Variants in PHF20L1 observed in about 807,000 individuals in gnomAD.
PHF20L1 encodes PHD finger protein 20 like 1.
In PHF20L1, 44 loss-of-function variants were observed where a neutral mutation model predicts 125.5. The ratio of observed to expected loss-of-function variants is 0.35; its 90% CI spans 0.28 to 0.45. The LOEUF is 0.45. Ranked by LOEUF, PHF20L1 falls within the 20% of genes least tolerant of loss-of-function variation. The probability of loss-of-function intolerance (pLI) is 1.00; values close to 1 mark genes in which losing one functional copy is unlikely to be tolerated. For missense variants in PHF20L1, 1,012 were observed against 1,217.2 expected, an observed-to-expected ratio of 0.83 and a Z score of 2.51; for synonymous variants, 380 against 403.1, an observed-to-expected ratio of 0.94 and a Z score of 0.69.
Position 132,846,014 on chromosome 8 carries a change from T to C in PHF20L1, c.*91T>C. ...ATGGCTAAGTGGATAATTTAAAAGC[T>C]TAGTAATGTCTGGTCATTCACTGAT... On this transcript the variant is annotated 3_prime_UTR_variant, in exon 21 of 21. Transcript: ENST00000395386. 1 of 969,082 alleles carries C rather than the reference T, an allele frequency of 1.0e-6. No homozygotes were observed. The highest frequency in any genetic ancestry group is 2.2e-4 in the Middle Eastern group (1 of 4,468). 60.0% of individuals were successfully genotyped at this position (969,082 alleles called of 1,614,324 possible).
At chr8:132,840,923 C>T (rs1347118745) in intron 18 of PHF20L1, among the ~76,000 whole-genome samples, 2 of 152,220 alleles carry the variant, frequency 1.3e-5, no homozygotes, top group Admixed American at 1.3e-4. Context: ...AGGGTAAGTA[C>T]TCAGTAACTA....
At chr8:132,804,843 A>T in intron 8 of PHF20L1, 103 bp downstream of exon 8, 1 of 948,596 alleles carries the variant, frequency 1.1e-6, no homozygotes, top group Non-Finnish European at 1.6e-6. Context: ...AGTGTCATGG[A>T]CCTGTTAATA....
chr8:132,815,032 G>C, intron 10 of PHF20L1, 143 bp downstream of exon 10: 1 of 583,470 alleles, frequency 1.7e-6, no homozygotes. Flanking sequence ...ACTATTTCAG[G>C]GGCAAAAACC....
chr8:132,817,771 C>G (rs939271259), intron 12 of PHF20L1: 45 of 440,570 alleles, frequency 1.0e-4, no homozygotes, highest in Middle Eastern at 1.2e-3. Context: ...AACCTTGTCA[C>G]TTGATCTATT....
rs973919242 is a variant in PHF20L1, at chr8:132,775,403, C to T, written c.-280C>T. 11 of 381,638 alleles carry T rather than the reference C, an allele frequency of 2.9e-5. No homozygotes were observed. Among genetic ancestry groups the T allele is most frequent in the African/African-American group, 1.9e-4 (9 of 47,438 alleles). 23.6% of individuals were successfully genotyped at this position (381,638 alleles called of 1,614,324 possible). A position where few individuals can be genotyped will look rare whatever the true frequency, so the allele number is the denominator to read the frequency against. ...GCGTCGCGTCAGGGCTGGCCGGCGG[C>T]GGAGGCGGCGGCGGCGGCGGCGATG... On this transcript the variant is annotated 5_prime_UTR_variant, in exon 1 of 21. Transcript: ENST00000395386.
At chr8:132,835,625 C>T (rs940269354) in intron 15 of PHF20L1, among the ~76,000 whole-genome samples, 2 of 152,086 alleles carry the variant, frequency 1.3e-5, no homozygotes, top group African/African-American at 4.8e-5. Flanking sequence ...AGTCTTGTTT[C>T]TAGGATATGC....
At chr8:132,802,951 G>A (rs1350932791) in intron 6 of PHF20L1, among the ~76,000 whole-genome samples, 1 of 151,724 alleles carries the variant, frequency 6.6e-6, no homozygotes, top group African/African-American at 2.4e-5. Flanking sequence ...TCACTTTGTA[G>A]AGATATTTAT....
chr8:132,831,221 T>TA (rs1836740699), intron 14 of PHF20L1, among the ~76,000 whole-genome samples: 15 of 151,898 alleles, frequency 9.9e-5, no homozygotes, highest in Non-Finnish European at 1.3e-4. Context: ...GTAAAACTTT[T>TA]TAAAAAAAGC....
rs892435693 is a variant in PHF20L1, at chr8:132,847,286, CTG to C, written c.*1365_*1366del. On this transcript the variant is annotated 3_prime_UTR_variant, in exon 21 of 21. Transcript: ENST00000395386. ...ACATGAAATGTTACCTTTTAACAGA[CTG>C]TTTTTAAAAATTAAAAATGTATGTA... 6 of 152,474 alleles carry C rather than the reference CTG, an allele frequency of 3.9e-5. No individual in the cohort carries two copies. Among genetic ancestry groups the C allele is most frequent in the South Asian group, 4.1e-4 (2 of 4,834 alleles). The allele number at this position is 152,474 out of a possible 1,614,324, so 9.4% of individuals were successfully genotyped here.
chr8:132,784,805 G>A (rs1830827817), intron 2 of PHF20L1, among the ~76,000 whole-genome samples: 1 of 152,210 alleles, frequency 6.6e-6, no homozygotes, highest in Middle Eastern at 3.4e-3. Context: ...CAGTGTTCAC[G>A]GGCCACCGTA....
At chr8:132,783,005 C>T (rs1051934798) in intron 2 of PHF20L1, among the ~76,000 whole-genome samples, 2 of 152,154 alleles carry the variant, frequency 1.3e-5, no homozygotes, top group African/African-American at 4.8e-5. Flanking sequence ...TAAAATCACA[C>T]TGGCGTTGAC....
chr8:132,783,176 C>T (rs1470421219), intron 2 of PHF20L1, among the ~76,000 whole-genome samples: 2 of 152,078 alleles, frequency 1.3e-5, no homozygotes, highest in African/African-American at 4.8e-5. Context: ...AGATATGCTC[C>T]TCTGACTCTT....
intron 6 of PHF20L1, among the ~76,000 whole-genome samples, chr8:132,802,212 T>G (rs533077409): frequency 6.6e-6 from 1 of 151,654 alleles, no homozygotes; most frequent in South Asian, 2.1e-4. Flanking sequence ...AAGCTCAACT[T>G]AGCCATACTG....
chr8:132,783,255 A>G (rs991106528), intron 2 of PHF20L1, among the ~76,000 whole-genome samples: 3 of 152,208 alleles, frequency 2.0e-5, no homozygotes, highest in African/African-American at 7.2e-5. Flanking sequence ...AAAAATGTGG[A>G]GATATCTCCA....
chr8:132,775,695 C>A, intron 1 of PHF20L1, 50 bp downstream of exon 1: 2 of 321,014 alleles, frequency 6.2e-6, no homozygotes, highest in East Asian at 9.6e-5. Flanking sequence ...CCCCGCCGGG[C>A]CGCCCGGGAC....
In PHF20L1 at chr8:132,823,273, G is replaced by T. The variant is rs528381305; in HGVS notation, c.1580-731G>T. ...GTTCAAAGGTACAAGTTTGTTTTAG[G>T]CACAAGAGCTTAAATGTTAGTTTTA... On this transcript the variant is annotated intron_variant, in intron 12 of 20. Coordinates refer to ENST00000395386, the MANE Select transcript of PHF20L1 (RefSeq NM_016018.5). Among the ~76,000 whole-genome samples, 20 of 152,038 alleles carry T rather than the reference G, an allele frequency of 1.3e-4. No individual in the cohort carries two copies. The South Asian group carries it at 3.9e-3, about 30-fold the overall frequency.
chr8:132,795,908 A>C (rs1034338499), intron 4 of PHF20L1, among the ~76,000 whole-genome samples: 1 of 151,910 alleles, frequency 6.6e-6, no homozygotes, highest in Admixed American at 6.6e-5. Context: ...CTCTCTCTCA[A>C]TCTCTCTTGT....
intron 2 of PHF20L1, among the ~76,000 whole-genome samples, chr8:132,792,306 T>C (rs1004461159): frequency 6.6e-6 from 1 of 152,114 alleles, no homozygotes; most frequent in African/African-American, 2.4e-5. Flanking sequence ...CTTAATACTA[T>C]TGACAATTTT....
chr8:132,779,459 A>G (rs1830188034), intron 2 of PHF20L1, among the ~76,000 whole-genome samples: 2 of 152,230 alleles, frequency 1.3e-5, no homozygotes, highest in Admixed American at 1.3e-4. Context: ...TCTGTGTGAT[A>G]CAAGGGTATA....
Sources: gnomAD v4.1 joint callset for allele counts (sites outside exome capture counted in the v4.1 genomes callset) on GRCh38, gnomAD v4.1.1 for gene constraint, MANE v1.5 for transcripts, NCBI Gene and HGNC (gene_info 2026-07-23, HGNC 2026-07-21) for gene names.